Variants in SLC9A7 observed in about 807,000 individuals in gnomAD.
SLC9A7 encodes solute carrier family 9 member A7.
A neutral mutation model predicts 52.6 loss-of-function variants in SLC9A7; 19 were observed. The ratio of observed to expected loss-of-function variants is 0.36; its 90% CI spans 0.25 to 0.53. SLC9A7 has a LOEUF of 0.53. SLC9A7 is among the 20% of genes least tolerant of loss of function. SLC9A7 has a pLI of 0.91. For missense variants in SLC9A7, 455 were observed against 597.9 expected, an observed-to-expected ratio of 0.76 and a Z score of 2.49; for synonymous variants, 226 against 252.1, an observed-to-expected ratio of 0.90 and a Z score of 0.98.
At chrX:46,615,659 C>CATAT (rs758950486) in intron 15 of SLC9A7, among the ~76,000 whole-genome samples, 36 of 103,266 alleles carry the variant, frequency 3.5e-4, no homozygotes, top group African/African-American at 1.1e-3. Context: ...TATACATATA[C>CATAT]ATATATATAT....
chrX:46,606,632 G>A lies in SLC9A7; in HGVS notation c.*320C>T, dbSNP rs921448754. The A allele has an allele frequency of 1.9e-5, 18 of 931,443 alleles. No individual in the cohort carries two copies. The highest frequency in any genetic ancestry group is 2.4e-5 in the Non-Finnish European group (18 of 749,132). The allele number at this position is 931,443 out of a possible 1,213,427, so 76.8% of individuals were successfully genotyped here. ...AATCCCCCCACCCAGCACCTGCCTCGCCTTGTTCAGATACTGCAGGTGAAT... is the reference window on the plus strand; with the variant it reads ...AATCCCCCCACCCAGCACCTGCCTCACCTTGTTCAGATACTGCAGGTGAAT... On this transcript the variant is annotated 3_prime_UTR_variant, in exon 17 of 17. Coordinates refer to ENST00000616978, the MANE Select transcript of SLC9A7 (RefSeq NM_001257291.2).
chrX:46,728,135 C>A (rs1173789388), intron 1 of SLC9A7, among the ~76,000 whole-genome samples: 5 of 111,043 alleles, frequency 4.5e-5, no homozygotes, highest in African/African-American at 6.5e-5. Flanking sequence ...AAGCACAAGC[C>A]ATAAAGGAAA....
intron 1 of SLC9A7, among the ~76,000 whole-genome samples, chrX:46,749,606 T>C (rs1922087175): frequency 8.9e-6 from 1 of 112,000 alleles, no homozygotes; most frequent in African/African-American, 3.2e-5. Flanking sequence ...TTCTGTCATA[T>C]CAATGGAATA....
intron 1 of SLC9A7, among the ~76,000 whole-genome samples, chrX:46,706,454 CATA>C (rs1482616011): frequency 3.7e-5 from 4 of 109,211 alleles, no homozygotes; most frequent in Non-Finnish European, 5.7e-5. Flanking sequence ...TGAAACCTTC[CATA>C]ATAAGAGGTT....
chrX:46,694,492 T>C (rs1176295087), intron 1 of SLC9A7, among the ~76,000 whole-genome samples: 1 of 111,418 alleles, frequency 9.0e-6, no homozygotes, highest in East Asian at 2.8e-4. Context: ...GAAAAGATGG[T>C]CAACATTATA....
At chrX:46,698,390 G>A (rs773354309) in intron 1 of SLC9A7, among the ~76,000 whole-genome samples, 4 of 111,784 alleles carry the variant, frequency 3.6e-5, no homozygotes, top group Admixed American at 2.9e-4. Context: ...GCTGGCCGAC[G>A]CTTAAGGAAA....
chrX:46,703,778 C>CAAGATGA (rs1269089055), intron 1 of SLC9A7, among the ~76,000 whole-genome samples: 3 of 111,498 alleles, frequency 2.7e-5, no homozygotes, highest in African/African-American at 9.8e-5. Context: ...TGGAAAAAAG[C>CAAGATGA]AAGATGAAAA....
Position 46,599,984 on chromosome X carries a change from C to T in SLC9A7, c.*6968G>A, listed in dbSNP as rs1942636099. 8.9e-6 allele frequency: 1 copy of T among 112,118 alleles called. No homozygotes were observed. The allele number at this position is 112,118 out of a possible 1,213,427, so 9.2% of individuals were successfully genotyped here. On this transcript the variant is annotated 3_prime_UTR_variant, in exon 17 of 17. Coordinates refer to ENST00000616978, the MANE Select transcript of SLC9A7 (RefSeq NM_001257291.2). ...AACCATTTTCATGGACATAGTACAACTTTCCAAGTAAAAAGTACCAGATGT... is the reference window on the plus strand; with the variant it reads ...AACCATTTTCATGGACATAGTACAATTTTCCAAGTAAAAAGTACCAGATGT...
intron 16 of SLC9A7, among the ~76,000 whole-genome samples, chrX:46,612,338 G>A (rs892546601): frequency 9.0e-5 from 10 of 111,504 alleles, no homozygotes; most frequent in East Asian, 8.4e-4. Flanking sequence ...CTCCTTCCAC[G>A]TGGGTAGCTA....
At chrX:46,725,722 T>G in intron 1 of SLC9A7, 5 of 1,168,364 alleles carry the variant, frequency 4.3e-6, no homozygotes, top group Non-Finnish European at 4.7e-6. Flanking sequence ...GAAATCTTCT[T>G]GTCAATGGAT....
At chrX:46,679,780 G>A (rs1278633447) in intron 2 of SLC9A7, 25 bp from the exon 3 acceptor site, 1 of 1,033,591 alleles carries the variant, frequency 9.7e-7, no homozygotes. Context: ...AGAAAAAAAA[G>A]CCAATTTTTT....
chrX:46,645,147 T>C (rs1943468760), intron 11 of SLC9A7, among the ~76,000 whole-genome samples: 1 of 112,710 alleles, frequency 8.9e-6, no homozygotes, highest in Non-Finnish European at 1.9e-5. Flanking sequence ...ATATTTTTTA[T>C]TGGAGATATC....
chrX:46,730,670 T>TTA lies in SLC9A7; in HGVS notation c.325+28033_325+28034dup, dbSNP rs57157177. 2.9e-3 allele frequency among the ~76,000 whole-genome samples: 124 copies of TTA among 42,889 alleles called. 3 individuals carry two copies. The highest frequency in any genetic ancestry group is 5.1e-3 in the African/African-American group (79 of 15,489). 37.2% of individuals were successfully genotyped at this position (42,889 alleles called of 115,157 possible). A position where few individuals can be genotyped will look rare whatever the true frequency, so the allele number is the denominator to read the frequency against. On this transcript the variant is annotated intron_variant, in intron 1 of 16. Coordinates refer to ENST00000616978, the MANE Select transcript of SLC9A7 (RefSeq NM_001257291.2). The stretch of plus-strand genomic sequence containing the variant: ...GCGAGACTGTCTCAAAAAAAAAAAA[T>TTA]TATATATATATATATATATATATAT...
intron 7 of SLC9A7, among the ~76,000 whole-genome samples, chrX:46,658,632 A>T (rs1342687527): frequency 9.0e-6 from 1 of 111,205 alleles, no homozygotes; most frequent in African/African-American, 3.3e-5. Context: ...GAAGAAATGG[A>T]TAAATTCCTC....
intron 5 of SLC9A7, among the ~76,000 whole-genome samples, chrX:46,668,367 C>G (rs1237468658): frequency 2.7e-5 from 3 of 111,235 alleles, no homozygotes; most frequent in African/African-American, 9.8e-5. Flanking sequence ...AAAAAATTAG[C>G]CGGGCATGGT....
intron 1 of SLC9A7, among the ~76,000 whole-genome samples, chrX:46,686,870 C>T (rs944410010): frequency 5.4e-5 from 6 of 112,084 alleles, no homozygotes; most frequent in Non-Finnish European, 1.1e-4. Context: ...ATTCCTTTGA[C>T]ATTTGATGTG....
intron 5 of SLC9A7, among the ~76,000 whole-genome samples, chrX:46,666,369 T>A (rs1602203411): frequency 1.8e-5 from 2 of 112,313 alleles, no homozygotes; most frequent in Admixed American, 1.9e-4. Flanking sequence ...TAGAAGTCAA[T>A]CTGGTCTTGT....
At chrX:46,637,759 C>G (rs1332773524) in intron 12 of SLC9A7, among the ~76,000 whole-genome samples, 1 of 112,382 alleles carries the variant, frequency 8.9e-6, no homozygotes, top group Non-Finnish European at 1.9e-5. Flanking sequence ...AACTCTTACT[C>G]AAGAGACTGA....
rs1264236512 is a variant in SLC9A7 at position 46,682,244 on chromosome X, G to A, written c.525+92C>T. The A allele has an allele frequency of 4.7e-6, 4 of 857,409 alleles. No individual in the cohort carries two copies. In the Admixed American group the frequency reaches 9.7e-5, roughly 21 times the overall value. The allele number at this position is 857,409 out of a possible 1,213,427, so 70.7% of individuals were successfully genotyped here. Reference sequence around the variant, plus strand: ...GCCAGGAATGTTACGGATAATCCAGGAGTTTGGAAGGATTTCTCTCCACAA... The same window carrying A: ...GCCAGGAATGTTACGGATAATCCAGAAGTTTGGAAGGATTTCTCTCCACAA... On this transcript the variant is annotated intron_variant, in intron 2 of 16. Transcript: ENST00000616978.
Sources: gnomAD v4.1 joint callset for allele counts (sites outside exome capture counted in the v4.1 genomes callset) on GRCh38, gnomAD v4.1.1 for gene constraint, MANE v1.5 for transcripts, NCBI Gene and HGNC (gene_info 2026-07-23, HGNC 2026-07-21) for gene names.